Variants in SPART observed in about 807,000 individuals in gnomAD.
SPART encodes spartin.
SPART carries 35 observed loss-of-function variants against 58.7 expected under a neutral mutation model. The observed-to-expected ratio is 0.60, with a 90% CI of 0.46 to 0.79. The LOEUF (loss-of-function observed/expected upper bound fraction) is 0.79. SPART is among the 30% of genes least tolerant of loss of function. The pLI is 0.00. For missense variants in SPART, 730 were observed against 786.1 expected (o/e 0.93, Z 0.85); for synonymous variants, 284 against 280.7 (o/e 1.01, Z -0.12).
At chr13:36,340,391 G>T (rs1309164835) in intron 1 of SPART, among the ~76,000 whole-genome samples, 1 of 151,296 alleles carries the variant, frequency 6.6e-6, no homozygotes, top group African/African-American at 2.4e-5. Context: ...AAATAAATAA[G>T]AAAAAAAGAT....
At chr13:36,329,628 G>C in intron 3 of SPART, 111 bp from the exon 4 acceptor site, 1 of 1,173,282 alleles carries the variant, frequency 8.5e-7, no homozygotes, top group East Asian at 2.3e-5. Flanking sequence ...TGTCAGTTTG[G>C]CAGTCTATCA....
At chr13:36,323,608 G>GA (rs1244524164) in intron 5 of SPART, among the ~76,000 whole-genome samples, 1 of 152,172 alleles carries the variant, frequency 6.6e-6, no homozygotes, top group African/African-American at 2.4e-5. Context: ...TACATAGACT[G>GA]AATCAGTCAG....
rs1883885040 is a variant in SPART, at chr13:36,335,331, G to T, written c.500C>A (p.Pro167Gln). The change falls in exon 2 of 9, where the codon CCA becomes CAA. Residue 167 changes from proline to glutamine, a missense_variant. Pro to Gln is a moderately conservative substitution (Grantham distance 76, BLOSUM62 -1). Transcript: ENST00000438666. The stretch of plus-strand genomic sequence containing the variant: ...AGTATAAGCAGGAGGAGCTTCTGCT[G>T]GACAACTTTGTGATGGTAAAGACAG... Reference protein sequence around the residue: ...ASLSLPSQSCPAEAPPAYTPQ... With the variant: ...ASLSLPSQSCQAEAPPAYTPQ... 1 of 1,614,030 alleles carries T rather than the reference G, an allele frequency of 6.2e-7. No homozygotes were observed. Among genetic ancestry groups the T allele is most frequent in the African/African-American group, 1.3e-5 (1 of 75,028 alleles).
chr13:36,342,975 C>T (rs371456970), intron 1 of SPART, among the ~76,000 whole-genome samples: 2 of 152,124 alleles, frequency 1.3e-5, no homozygotes, highest in Non-Finnish European at 2.9e-5. Flanking sequence ...TGGTACACTG[C>T]CCCAGGATGG....
At chr13:36,345,264 G>T (rs1205097908) in intron 1 of SPART, among the ~76,000 whole-genome samples, 2 of 152,120 alleles carry the variant, frequency 1.3e-5, no homozygotes, top group Non-Finnish European at 2.9e-5. Flanking sequence ...GAGTGCCAGA[G>T]GTGAAGCCGA....
intron 1 of SPART, among the ~76,000 whole-genome samples, chr13:36,358,539 A>G (rs1356349538): frequency 6.6e-6 from 1 of 152,210 alleles, no homozygotes; most frequent in Non-Finnish European, 1.5e-5. Flanking sequence ...ACTCTCATTC[A>G]GGACACAAGT....
chr13:36,324,178 C>CT (rs1417559491), intron 5 of SPART, among the ~76,000 whole-genome samples: 1 of 152,220 alleles, frequency 6.6e-6, no homozygotes, highest in Non-Finnish European at 1.5e-5. Flanking sequence ...GTCTATGTCA[C>CT]ATTCCTTGCA....
chr13:36,369,038 A>C (rs1593300874), intron 1 of SPART, among the ~76,000 whole-genome samples: 1 of 152,084 alleles, frequency 6.6e-6, no homozygotes, highest in East Asian at 1.9e-4. Context: ...ATTGCAGAAC[A>C]TTTTCTTTAA....
intron 5 of SPART, among the ~76,000 whole-genome samples, chr13:36,320,729 C>CT (rs1882289614): frequency 6.6e-6 from 1 of 152,150 alleles, no homozygotes; most frequent in East Asian, 1.9e-4. Context: ...TAGGTAGACA[C>CT]TTTCACTGGA....
chr13:36,339,638 A>AAAAAAAAAAAAAAAC, intron 1 of SPART, among the ~76,000 whole-genome samples: 1 of 149,388 alleles, frequency 6.7e-6, no homozygotes, highest in African/African-American at 2.4e-5. Context: ...AAAAAAAAAA[A>AAAAAAAAAAAAAAAC]AAAAAAAAAA....
intron 1 of SPART, among the ~76,000 whole-genome samples, chr13:36,337,785 G>A (rs548913800): frequency 1.3e-5 from 2 of 152,120 alleles, no homozygotes; most frequent in Admixed American, 1.3e-4. Context: ...CTTAATAATG[G>A]CCCCAAAGTG....
At chr13:36,368,788 T>C (rs1360859801) in intron 1 of SPART, among the ~76,000 whole-genome samples, 2 of 152,098 alleles carry the variant, frequency 1.3e-5, no homozygotes, top group Non-Finnish European at 2.9e-5. Flanking sequence ...CTGTTCATGA[T>C]CTGGAGATCG....
In SPART at chr13:36,335,387, T is replaced by G; in HGVS notation, c.444A>C (p.Pro148=). The G allele has an allele frequency of 6.2e-7, 1 of 1,614,078 alleles. No homozygotes were observed. Among genetic ancestry groups the G allele is most frequent in the East Asian group, 2.2e-5 (1 of 44,874 alleles). The change falls in exon 2 of 9, where the codon CCA becomes CCC. Residue 148 remains proline, a synonymous_variant. Transcript: ENST00000438666. Reference sequence around the variant, plus strand: ...CAGGTGCAGCAACTGCCCCTGCACTTGGAGTTGAGGTGTTTCCATTTACTT... The same window carrying G: ...CAGGTGCAGCAACTGCCCCTGCACTGGGAGTTGAGGTGTTTCCATTTACTT... ...HAEVNGNTST[P]SAGAVAAPAS... is the part of the protein sequence containing the mutation.
intron 4 of SPART, among the ~76,000 whole-genome samples, 177 bp from the exon 5 acceptor site, chr13:36,326,875 G>C (rs549828429): frequency 1.3e-5 from 2 of 151,976 alleles, no homozygotes; most frequent in Non-Finnish European, 2.9e-5. Context: ...CTGCCATGAA[G>C]TTGAAAACTG....
chr13:36,340,704 A>G (rs909157640), intron 1 of SPART, among the ~76,000 whole-genome samples: 3 of 152,144 alleles, frequency 2.0e-5, no homozygotes, highest in Non-Finnish European at 4.4e-5. Context: ...TCCAGGGTGG[A>G]GTAGGAGACA....
chr13:36,322,642 T>C (rs1882529413), intron 5 of SPART, among the ~76,000 whole-genome samples: 1 of 152,204 alleles, frequency 6.6e-6, no homozygotes, highest in Non-Finnish European at 1.5e-5. Context: ...ATAGTCTTTA[T>C]TTCTGGCTAA....
intron 1 of SPART, among the ~76,000 whole-genome samples, chr13:36,341,249 G>C (rs1294168133): frequency 1.3e-5 from 2 of 152,242 alleles, no homozygotes; most frequent in Middle Eastern, 3.4e-3. Context: ...GGAAGCTTTA[G>C]AGCAACTATG....
At chr13:36,316,762 C>G (rs111375194) in intron 5 of SPART, among the ~76,000 whole-genome samples, 1 of 151,970 alleles carries the variant, frequency 6.6e-6, no homozygotes, top group African/African-American at 2.4e-5. Flanking sequence ...TTCACACAGA[C>G]GCGCATGAAA....
At chr13:36,316,662 C>T (rs1022532631) in intron 5 of SPART, among the ~76,000 whole-genome samples, 1 of 152,176 alleles carries the variant, frequency 6.6e-6, no homozygotes, top group African/African-American at 2.4e-5. Context: ...ACCCTTATCT[C>T]CCTTTGCTGA....
Sources: allele counts gnomAD v4.1 joint callset (sites outside exome capture counted in the v4.1 genomes callset), GRCh38; gene constraint gnomAD v4.1.1; transcripts MANE v1.5; gene names NCBI Gene and HGNC (gene_info 2026-07-23, HGNC 2026-07-21).